Variants in ZFYVE9 observed in about 807,000 individuals in gnomAD.
ZFYVE9 encodes the protein zinc finger FYVE-type containing 9.
Under a neutral mutation model 126.7 loss-of-function variants are expected in ZFYVE9, and 43 were observed. That is an observed-to-expected ratio of 0.34 (90% CI 0.27 to 0.44). The LOEUF is 0.44. Among genes scored for constraint, ZFYVE9 ranks in the 20% least tolerant of loss-of-function variants. The pLI, the probability that ZFYVE9 is intolerant of heterozygous loss-of-function variation, is 1.00. For synonymous variants in ZFYVE9, 521 were observed against 597.4 expected (o/e 0.87, Z 1.87); for missense variants, 1,476 against 1,697.0 (o/e 0.87, Z 2.29).
chr1:52,153,251 A>G (rs1455165015), intron 1 of ZFYVE9, among the ~76,000 whole-genome samples: 4 of 152,232 alleles, frequency 2.6e-5, no homozygotes, highest in African/African-American at 9.6e-5. Context: ...GCACAGATCC[A>G]TATCTTCACA....
At chr1:52,176,823 G>T (rs569101840) in intron 1 of ZFYVE9, among the ~76,000 whole-genome samples, 1 of 152,172 alleles carries the variant, frequency 6.6e-6, no homozygotes, top group Non-Finnish European at 1.5e-5. Context: ...CTCCTGGTGC[G>T]CCGTTTCCTA....
At chr1:52,188,710 G>T (rs1644788176) in intron 1 of ZFYVE9, among the ~76,000 whole-genome samples, 1 of 152,058 alleles carries the variant, frequency 6.6e-6, no homozygotes, top group South Asian at 2.1e-4. Context: ...GTAGACTGAG[G>T]TACATGGTAG....
At chr1:52,261,226 C>CTTTTTTTTT (rs954031127) in intron 4 of ZFYVE9, among the ~76,000 whole-genome samples, 1 of 132,128 alleles carries the variant, frequency 7.6e-6, no homozygotes, top group Non-Finnish European at 1.6e-5. Flanking sequence ...TTCTTTCTTT[C>CTTTTTTTTT]TTTTTTTTTT....
intron 12 of ZFYVE9, among the ~76,000 whole-genome samples, chr1:52,299,274 A>G (rs1391939842): frequency 6.6e-6 from 1 of 152,132 alleles, no homozygotes; most frequent in Non-Finnish European, 1.5e-5. Flanking sequence ...TTTGTATCCT[A>G]CAACTTTACC....
intron 14 of ZFYVE9, 146 bp from the exon 15 acceptor site, chr1:52,334,542 A>G: frequency 1.4e-6 from 1 of 706,170 alleles, no homozygotes; most frequent in Non-Finnish European, 2.3e-6. Flanking sequence ...TGTTGGTTAC[A>G]TGTTTATTGT....
At chr1:52,341,082 T>A (rs1010259113) in intron 17 of ZFYVE9, among the ~76,000 whole-genome samples, 2 of 152,064 alleles carry the variant, frequency 1.3e-5, no homozygotes, top group African/African-American at 4.8e-5. Context: ...TAGCCGGGCA[T>A]GGTGGTGCAT....
chr1:52,260,147 A>G (rs1222631374), intron 4 of ZFYVE9, among the ~76,000 whole-genome samples: 4 of 152,148 alleles, frequency 2.6e-5, no homozygotes, highest in Non-Finnish European at 5.9e-5. Flanking sequence ...AGCGTATATT[A>G]CTACCAGCAG....
chr1:52,287,874 A>G (rs1312443026), intron 10 of ZFYVE9, among the ~76,000 whole-genome samples: 1 of 152,176 alleles, frequency 6.6e-6, no homozygotes. Context: ...CTTTAAAAAT[A>G]ATAATAATAT....
chr1:52,230,855 G>C (rs1034202529), intron 2 of ZFYVE9, among the ~76,000 whole-genome samples: 2 of 152,116 alleles, frequency 1.3e-5, no homozygotes, highest in Non-Finnish European at 2.9e-5. Flanking sequence ...GCTGTCTCCT[G>C]TGCTGTTATT....
At chr1:52,263,092 A>AAAAG (rs1557487992) in intron 4 of ZFYVE9, among the ~76,000 whole-genome samples, 2 of 151,410 alleles carry the variant, frequency 1.3e-5, no homozygotes, top group African/African-American at 4.9e-5. Flanking sequence ...AAAAAAAAAA[A>AAAAG]AAAAAGAAAA....
At chr1:52,225,441 C>T (rs1645161423) in intron 2 of ZFYVE9, among the ~76,000 whole-genome samples, 1 of 152,228 alleles carries the variant, frequency 6.6e-6, no homozygotes, top group South Asian at 2.1e-4. Context: ...AGGAACTTTA[C>T]TTCTGCCGAA....
intron 15 of ZFYVE9, among the ~76,000 whole-genome samples, chr1:52,335,931 G>A (rs1646384287): frequency 6.6e-6 from 1 of 152,034 alleles, no homozygotes; most frequent in African/African-American, 2.4e-5. Flanking sequence ...GTCAGGAGTT[G>A]GAGACCAGCC....
chr1:52,228,617 T>C (rs1445008665), intron 2 of ZFYVE9, among the ~76,000 whole-genome samples: 1 of 152,176 alleles, frequency 6.6e-6, no homozygotes, highest in African/African-American at 2.4e-5. Flanking sequence ...ACAACACTTC[T>C]TCCCTAAACA....
chr1:52,240,801 G>T (rs1293298343), intron 4 of ZFYVE9, among the ~76,000 whole-genome samples: 1 of 152,128 alleles, frequency 6.6e-6, no homozygotes, highest in Admixed American at 6.5e-5. Flanking sequence ...GGGACCTCCA[G>T]CAACTTCCTT....
intron 1 of ZFYVE9, among the ~76,000 whole-genome samples, chr1:52,207,000 A>T (rs891003440): frequency 6.6e-6 from 1 of 152,218 alleles, no homozygotes; most frequent in Non-Finnish European, 1.5e-5. Flanking sequence ...TATTTATATC[A>T]TGGGGAGGGC....
intron 1 of ZFYVE9, among the ~76,000 whole-genome samples, chr1:52,205,392 A>G (rs1198741359): frequency 6.6e-6 from 1 of 151,616 alleles, no homozygotes; most frequent in African/African-American, 2.4e-5. Flanking sequence ...TTTTTTTAAG[A>G]GATGGGGTTT....
chr1:52,238,764 A>C lies in ZFYVE9; in HGVS notation c.1347A>C (p.Leu449Phe). The C allele has an allele frequency of 6.2e-7, 1 of 1,614,110 alleles. No individual in the cohort carries two copies. Among genetic ancestry groups the C allele is most frequent in the East Asian group, 2.2e-5 (1 of 44,880 alleles). Residue 449 changes from leucine to phenylalanine, a missense_variant, in exon 4 of 19, where the codon TTA (leucine) becomes TTC (phenylalanine). By Grantham distance (22) the Leu-to-Phe change is conservative. Around this residue, in one of 2 missense-constraint regions of ZFYVE9, gnomAD observed 807 missense variants for 794.6 expected, o/e 1.02. Coordinates refer to ENST00000287727, the MANE Select transcript of ZFYVE9 (RefSeq NM_004799.4). ...GATTGGCAGATGCAGGTCTAGATTTAAAAGGAACTTGCATTAGTGAAAGTG... is the reference window on the plus strand; with the variant it reads ...GATTGGCAGATGCAGGTCTAGATTTCAAAGGAACTTGCATTAGTGAAAGTG... ...CVGLADAGLD[L>F]KGTCISESEE... is the part of the protein sequence containing the mutation.
chr1:52,192,340 T>C (rs984607326), intron 1 of ZFYVE9, among the ~76,000 whole-genome samples: 1 of 151,448 alleles, frequency 6.6e-6, no homozygotes, highest in Non-Finnish European at 1.5e-5. Context: ...AAGGAGATTC[T>C]GCTGCATTCA....
chr1:52,160,361 A>G (rs769893941), intron 1 of ZFYVE9: 34 of 1,162,600 alleles, frequency 2.9e-5, no homozygotes, highest in Admixed American at 8.4e-5. Context: ...AAATTCATCA[A>G]CTTTTATCTT....
Sources: gnomAD v4.1 joint callset for allele counts (sites outside exome capture counted in the v4.1 genomes callset) on GRCh38, gnomAD v4.1.1 for gene constraint, gnomAD v4.1.1 regional missense constraint, MANE v1.5 for transcripts, NCBI Gene and HGNC (gene_info 2026-07-23, HGNC 2026-07-21) for gene names.